The following BCL10 variants were observed in gnomAD, a reference collection of about 807,000 sequenced individuals.
BCL10 encodes BCL10 immune signaling adaptor, also known as B-cell lymphoma/leukemia 10.
BCL10 carries 5 observed loss-of-function variants against 19.2 expected under a neutral mutation model. That is an observed-to-expected ratio of 0.26 (90% CI 0.14 to 0.55). The LOEUF is 0.55. Among genes scored for constraint, BCL10 ranks in the 20% least tolerant of loss-of-function variants. The pLI is 0.94. For missense variants in BCL10, 201 were observed against 271.9 expected, an observed-to-expected ratio of 0.74 and a Z score of 1.83; for synonymous variants, 110 against 98.8, an observed-to-expected ratio of 1.11 and a Z score of -0.67.
intron 1 of BCL10, among the ~76,000 whole-genome samples, chr1:85,272,120 T>C (rs115725638): frequency 1.7e-3 from 264 of 152,352 alleles, no homozygotes; most frequent in African/African-American, 6.2e-3. Flanking sequence ...GACCTGGTCC[T>C]TATCATATCT....
chr1:85,270,149 C>A (rs1032844661), intron 2 of BCL10, among the ~76,000 whole-genome samples: 6 of 152,158 alleles, frequency 3.9e-5, no homozygotes. Context: ...TAAATGAATA[C>A]AAATACAGGA....
chr1:85,266,001 T>C lies in BCL10; in HGVS notation c.*1626A>G, dbSNP rs754120384. On this transcript the variant is annotated 3_prime_UTR_variant, in exon 3 of 3. Coordinates refer to ENST00000648566, the MANE Select transcript of BCL10 (RefSeq NM_003921.5). ...TTCTTTCTAACACCACTATTTTTGCTATGCATTGGAGGTGAAACATTTCTC... is the reference window on the plus strand; with the variant it reads ...TTCTTTCTAACACCACTATTTTTGCCATGCATTGGAGGTGAAACATTTCTC... 2.3e-4 allele frequency among the ~76,000 whole-genome samples: 35 copies of C among 152,208 alleles called. No individual in the cohort carries two copies. Among genetic ancestry groups the C allele is most frequent in the Non-Finnish European group, 4.4e-4 (30 of 68,030 alleles).
intron 1 of BCL10, among the ~76,000 whole-genome samples, 194 bp downstream of exon 1, chr1:85,276,102 T>A (rs921621877): frequency 6.6e-6 from 1 of 152,204 alleles, no homozygotes; most frequent in African/African-American, 2.4e-5. Context: ...AAAACCTGGA[T>A]TGACAGATCA....
rs1328659083 is a variant in BCL10, at chr1:85,270,605, T to G, written c.346+13A>C. 3 of 1,583,110 alleles carry G rather than the reference T, an allele frequency of 1.9e-6. No homozygotes were observed. The highest frequency in any genetic ancestry group is 2.6e-6 in the Non-Finnish European group (3 of 1,164,538). ...ACATTTAAATTAGCTCTTAGATAAT[T>G]AAGATATCTTACCTTTCAGATGTTC... On this transcript the variant is annotated intron_variant, in intron 2 of 2. Coordinates refer to ENST00000648566, the MANE Select transcript of BCL10 (RefSeq NM_003921.5).
At chr1:85,270,513 A>G (rs1660341272) in intron 2 of BCL10, 105 bp downstream of exon 2, 1 of 1,027,958 alleles carries the variant, frequency 9.7e-7, no homozygotes, top group Non-Finnish European at 1.4e-6. Flanking sequence ...ACCTCAAGCA[A>G]TCCTCCTGCC....
chr1:85,267,932 GGTT>G lies in BCL10; in HGVS notation c.394_396del (p.Asn132del). 6.2e-7 allele frequency: 1 copy of G among 1,606,046 alleles called. No individual in the cohort carries two copies. The highest frequency in any genetic ancestry group is 8.5e-7 in the Non-Finnish European group (1 of 1,175,442). ...CTCTCATCTGAATTTGATCTGGAGAGGTTGTTCGTGGCTCCATCTGGAAAAGGT... is the reference window on the plus strand; with the variant it reads ...CTCTCATCTGAATTTGATCTGGAGAGGTTCGTGGCTCCATCTGGAAAAGGT... On this transcript the variant is annotated inframe_deletion, in exon 3 of 3. Coordinates refer to ENST00000648566, the MANE Select transcript of BCL10 (RefSeq NM_003921.5).
intron 1 of BCL10, among the ~76,000 whole-genome samples, chr1:85,274,862 AG>A (rs1365242510): frequency 2.0e-5 from 3 of 152,352 alleles, no homozygotes; most frequent in African/African-American, 7.2e-5. Flanking sequence ...GGTTTCCTCA[AG>A]GTTATTTATT....
At chr1:85,269,134 C>G (rs1432996756) in intron 2 of BCL10, among the ~76,000 whole-genome samples, 1 of 152,242 alleles carries the variant, frequency 6.6e-6, no homozygotes, top group Admixed American at 6.5e-5. Flanking sequence ...CTCCCTTGCT[C>G]TTCCATCTTC....
intron 1 of BCL10, among the ~76,000 whole-genome samples, chr1:85,275,611 G>A (rs963386777): frequency 8.5e-5 from 13 of 152,242 alleles, no homozygotes; most frequent in African/African-American, 2.9e-4. Context: ...TAAACGCAAA[G>A]GAAAAAGAAT....
intron 1 of BCL10, 95 bp downstream of exon 1, chr1:85,276,201 G>A (rs1396371863): frequency 4.7e-6 from 7 of 1,483,762 alleles, no homozygotes; most frequent in East Asian, 2.3e-5. Flanking sequence ...CGACCTGGAG[G>A]ATCCTCCTTG....
intron 1 of BCL10, among the ~76,000 whole-genome samples, chr1:85,273,630 C>T (rs1366794219): frequency 6.6e-6 from 1 of 152,146 alleles, no homozygotes; most frequent in East Asian, 1.9e-4. Context: ...CTAATTACAT[C>T]CTCTTCCTCA....
chr1:85,272,905 T>C (rs1442400142), intron 1 of BCL10, among the ~76,000 whole-genome samples: 50 of 152,218 alleles, frequency 3.3e-4, no homozygotes, highest in Admixed American at 3.3e-3. Context: ...ATTGATAATA[T>C]GGCTCCTACC....
At chr1:85,275,953 G>A (rs1660513684) in intron 1 of BCL10, among the ~76,000 whole-genome samples, 1 of 152,206 alleles carries the variant, frequency 6.6e-6, no homozygotes, top group African/African-American at 2.4e-5. Context: ...CTGACTTAAG[G>A]ATGAATCTGA....
chr1:85,269,091 C>T (rs983485855), intron 2 of BCL10, among the ~76,000 whole-genome samples: 30 of 152,288 alleles, frequency 2.0e-4, no homozygotes, highest in African/African-American at 6.7e-4. Flanking sequence ...TTTGGGAGTT[C>T]GACTCCTTTT....
rs1660194359 is a variant in BCL10 at position 85,266,485 on chromosome 1, T to TCA, written c.*1140_*1141dup. 1.1e-5 allele frequency: 2 copies of TCA among 189,616 alleles called. No individual in the cohort carries two copies. The highest frequency in any genetic ancestry group is 1.2e-4 in the Admixed American group (2 of 16,202). The allele number at this position is 189,616 out of a possible 1,614,324, so 11.7% of individuals were successfully genotyped here. A position where few individuals can be genotyped will look rare whatever the true frequency, so the allele number is the denominator to read the frequency against. ...TCAAATAGCATTAAAAACAGAATTGTCACACACACCAAAAATAATTTGTTC... is the reference window on the plus strand; with the variant it reads ...TCAAATAGCATTAAAAACAGAATTGTCACACACACACCAAAAATAATTTGTTC... On this transcript the variant is annotated 3_prime_UTR_variant, in exon 3 of 3. Coordinates refer to ENST00000648566, the MANE Select transcript of BCL10 (RefSeq NM_003921.5).
intron 1 of BCL10, among the ~76,000 whole-genome samples, chr1:85,275,171 A>G (rs537605304): frequency 8.5e-5 from 13 of 152,376 alleles, no homozygotes; most frequent in African/African-American, 2.9e-4. Flanking sequence ...ACCATGAATA[A>G]GACAACATTT....
At chr1:85,272,580 T>A (rs900999485) in intron 1 of BCL10, among the ~76,000 whole-genome samples, 1 of 151,908 alleles carries the variant, frequency 6.6e-6, no homozygotes, top group Non-Finnish European at 1.5e-5. Context: ...AGAAAAAAAA[T>A]TAAAAACAAT....
rs1422715077 is a variant in BCL10 at position 85,276,422 on chromosome 1, G to A, written c.-70C>T. Reference sequence around the variant, plus strand: ...GCTGCGCCGCCCCGCCCTGGCTGGGGGCTTCGGCCTCCGGGTAATGGGGAA... The same window carrying A: ...GCTGCGCCGCCCCGCCCTGGCTGGGAGCTTCGGCCTCCGGGTAATGGGGAA... On this transcript the variant is annotated 5_prime_UTR_variant, in exon 1 of 3. Coordinates refer to ENST00000648566, the MANE Select transcript of BCL10 (RefSeq NM_003921.5). 21 of 1,550,382 alleles carry A rather than the reference G, an allele frequency of 1.4e-5. No individual in the cohort carries two copies. Among genetic ancestry groups the A allele is most frequent in the Non-Finnish European group, 4.4e-6 (5 of 1,124,314 alleles).
chr1:85,268,017 T>C (rs1258270985), intron 2 of BCL10, 35 bp from the exon 3 acceptor site: 2 of 1,395,948 alleles, frequency 1.4e-6, no homozygotes, highest in East Asian at 4.7e-5. Context: ...AATGAAAAAG[T>C]AACTAAAAAA....
Sources: gnomAD v4.1 joint callset for allele counts (sites outside exome capture counted in the v4.1 genomes callset) on GRCh38, gnomAD v4.1.1 for gene constraint, MANE v1.5 for transcripts, NCBI Gene and HGNC (gene_info 2026-07-23, HGNC 2026-07-21) for gene names.